Variants in LINGO2 observed in about 807,000 individuals in gnomAD.
LINGO2 encodes leucine-rich repeat and immunoglobulin-like domain-containing nogo receptor-interacting protein 2.
LINGO2 carries 14 observed loss-of-function variants against 30.6 expected under a neutral mutation model. That is an observed-to-expected ratio of 0.46 (90% CI 0.30 to 0.72). The LOEUF is 0.72. Ranked by LOEUF, LINGO2 falls within the 30% of genes least tolerant of loss-of-function variation. The probability of loss-of-function intolerance (pLI) is 0.07; values close to 1 mark genes in which losing one functional copy is unlikely to be tolerated. For synonymous variants in LINGO2, 317 were observed against 288.5 expected, an observed-to-expected ratio of 1.10 and a Z score of -1.00; for missense variants, 729 against 751.7, an observed-to-expected ratio of 0.97 and a Z score of 0.35.
the LINGO2 span, among the ~76,000 whole-genome samples, chr9:29,161,382 C>A: frequency 6.6e-6 from 1 of 152,166 alleles, no homozygotes; most frequent in Non-Finnish European, 1.5e-5. Context: ...GAACCTGATC[C>A]CAAGCAGGCA....
the LINGO2 span, among the ~76,000 whole-genome samples, chr9:28,729,307 C>T: frequency 6.6e-6 from 1 of 152,106 alleles, no homozygotes; most frequent in Non-Finnish European, 1.5e-5. Flanking sequence ...AAGGTTTATA[C>T]ATGTACTCAG....
chr9:28,848,106 ATATACACAC>A, the LINGO2 span, among the ~76,000 whole-genome samples: 1 of 111,072 alleles, frequency 9.0e-6, no homozygotes, highest in African/African-American at 3.7e-5. Context: ...CATAGTGTAT[ATATACACAC>A]TATATATACA....
chr9:28,541,533 A>T (rs1821698948), intron 1 of LINGO2, among the ~76,000 whole-genome samples: 1 of 152,152 alleles, frequency 6.6e-6, no homozygotes, highest in Non-Finnish European at 1.5e-5. Context: ...GAGGAAGAAA[A>T]CTTCCGATGT....
intron 4 of LINGO2, among the ~76,000 whole-genome samples, chr9:28,030,808 G>A (rs1209823748): frequency 6.6e-6 from 1 of 151,932 alleles, no homozygotes; most frequent in Non-Finnish European, 1.5e-5. Context: ...GTGGCAGGGA[G>A]TAATCCAATG....
chr9:28,507,232 TGTGTGC>T (rs1270869075), intron 1 of LINGO2, among the ~76,000 whole-genome samples: 9 of 116,124 alleles, frequency 7.8e-5, no homozygotes, highest in African/African-American at 1.9e-4. Context: ...TGTGTGTGTG[TGTGTGC>T]GTGCGTGCGC....
In LINGO2 at chr9:28,130,537, T is replaced by C. The variant is rs1021506796; in HGVS notation, c.-86-118132A>G. On this transcript the variant is annotated intron_variant, in intron 4 of 5. Transcript: ENST00000379992. This position sits in a 1 kb window ranked among gnomAD's most constrained non-coding sequence, Gnocchi z 5.2. ...AGAAATACCTGTAGAAATAGGACAT[T>C]GCTCCTATGTCAAGGAGTTTACAAT... is the stretch of plus-strand genomic sequence containing the variant. 1.6e-4 allele frequency among the ~76,000 whole-genome samples: 25 copies of C among 152,170 alleles called. No individual in the cohort carries two copies. Among genetic ancestry groups the C allele is most frequent in the African/African-American group, 5.8e-4 (24 of 41,456 alleles).
At chr9:28,224,980 T>C (rs1564057411) in intron 4 of LINGO2, among the ~76,000 whole-genome samples, 1 of 152,090 alleles carries the variant, frequency 6.6e-6, no homozygotes, top group Admixed American at 6.5e-5. Context: ...TGCAACCAAC[T>C]CATTTTTGAC....
the LINGO2 span, among the ~76,000 whole-genome samples, chr9:29,089,818 T>C: frequency 6.6e-6 from 1 of 152,024 alleles, no homozygotes; most frequent in African/African-American, 2.4e-5. Context: ...GTTCCATGAA[T>C]GTCAATCATT....
chr9:28,061,910 C>T (rs1825156087), intron 4 of LINGO2, among the ~76,000 whole-genome samples: 1 of 151,984 alleles, frequency 6.6e-6, no homozygotes, highest in Admixed American at 6.6e-5. Flanking sequence ...GAATTGAAAT[C>T]AGAAGTTCCA....
At chr9:29,147,305 T>C in the LINGO2 span, among the ~76,000 whole-genome samples, 2 of 150,034 alleles carry the variant, frequency 1.3e-5, no homozygotes, top group Non-Finnish European at 3.0e-5. Flanking sequence ...TGTCACTATA[T>C]AGTGTAGGAT....
chr9:28,230,124 C>A (rs1218507985), intron 4 of LINGO2, among the ~76,000 whole-genome samples: 1 of 151,760 alleles, frequency 6.6e-6, no homozygotes, highest in Non-Finnish European at 1.5e-5. Context: ...TAAAAACTTT[C>A]TTTGTAAGAC....
intron 2 of LINGO2, among the ~76,000 whole-genome samples, chr9:28,414,731 C>A (rs1167245616): frequency 6.6e-6 from 1 of 152,102 alleles, no homozygotes; most frequent in Admixed American, 6.6e-5. Flanking sequence ...GATTGCCCTA[C>A]AGCCTCCCCT....
the LINGO2 span, among the ~76,000 whole-genome samples, chr9:28,763,440 C>A: frequency 2.0e-5 from 3 of 151,836 alleles, no homozygotes; most frequent in African/African-American, 7.3e-5. Flanking sequence ...TGAATAATCA[C>A]TGGGTTAAAA....
chr9:28,885,275 G>A, the LINGO2 span, among the ~76,000 whole-genome samples: 1 of 147,838 alleles, frequency 6.8e-6, no homozygotes, highest in African/African-American at 2.5e-5. Flanking sequence ...GTGTGGAAGT[G>A]GTGGCGACCA....
chr9:29,192,041 T>C, the LINGO2 span, among the ~76,000 whole-genome samples: 1 of 152,134 alleles, frequency 6.6e-6, no homozygotes, highest in Non-Finnish European at 1.5e-5. Context: ...GGGGATTACC[T>C]AAACTAATTA....
intron 4 of LINGO2, among the ~76,000 whole-genome samples, chr9:28,226,333 G>C (rs1821141633): frequency 6.6e-6 from 1 of 151,936 alleles, no homozygotes; most frequent in Non-Finnish European, 1.5e-5. Context: ...CCTCTGTGAG[G>C]ATTTCCCTGT....
the LINGO2 span, among the ~76,000 whole-genome samples, chr9:29,178,295 G>A: frequency 1.3e-4 from 19 of 151,972 alleles, no homozygotes; most frequent in African/African-American, 4.6e-4. Flanking sequence ...ACCTCAAGTA[G>A]TCTGCCCACC....
the LINGO2 span, chr9:27,938,778 G>A: frequency 6.6e-6 from 1 of 152,202 alleles, no homozygotes; most frequent in Non-Finnish European, 1.5e-5. Context: ...AATGACTTCA[G>A]TGACGGGCAG....
intron 3 of LINGO2, among the ~76,000 whole-genome samples, chr9:28,357,063 T>C (rs1820236759): frequency 6.6e-6 from 1 of 152,112 alleles, no homozygotes. Flanking sequence ...CATTCAAGAA[T>C]AGAATATATT....
Sources: gnomAD v4.1 joint callset for allele counts (sites outside exome capture counted in the v4.1 genomes callset) on GRCh38, gnomAD v4.1.1 for gene constraint, Gnocchi (gnomAD v3.1) non-coding constraint, MANE v1.5 for transcripts, NCBI Gene and HGNC (gene_info 2026-07-23, HGNC 2026-07-21) for gene names.